The following ATP6V0A1 variants were observed in gnomAD, a reference collection of about 807,000 sequenced individuals.
ATP6V0A1 encodes ATPase H+ transporting V0 subunit a1.
A neutral mutation model predicts 105.4 loss-of-function variants in ATP6V0A1; 43 were observed. The ratio of observed to expected loss-of-function variants is 0.41; its 90% confidence interval spans 0.32 to 0.53. The LOEUF is 0.53. Ranked by LOEUF, ATP6V0A1 falls within the 20% of genes least tolerant of loss-of-function variation. ATP6V0A1 has a pLI of 0.30. For missense variants in ATP6V0A1, 676 were observed against 1,051.1 expected (o/e 0.64, Z 4.93); for synonymous variants, 362 against 372.8 (o/e 0.97, Z 0.33).
intron 4 of ATP6V0A1, among the ~76,000 whole-genome samples, chr17:42,469,588 A>G (rs1048554629): frequency 1.3e-5 from 2 of 151,748 alleles, no homozygotes; most frequent in African/African-American, 4.8e-5. Flanking sequence ...CACCCACCTC[A>G]GACTCCCTAA....
chr17:42,469,955 C>T, intron 4 of ATP6V0A1, 135 bp from the exon 5 acceptor site: 1 of 914,106 alleles, frequency 1.1e-6, no homozygotes, highest in East Asian at 2.8e-5. Flanking sequence ...CTAGTAAAAT[C>T]ACAGTATTTG....
At chr17:42,494,544 G>C (rs1001510101) in intron 12 of ATP6V0A1, 71 bp downstream of exon 12, 1 of 1,501,190 alleles carries the variant, frequency 6.7e-7, no homozygotes, top group South Asian at 1.2e-5. Flanking sequence ...TGAAAATTAT[G>C]ATCTGGAAGT....
chr17:42,497,549 C>T (rs1254201760), intron 14 of ATP6V0A1, among the ~76,000 whole-genome samples: 2 of 151,348 alleles, frequency 1.3e-5, no homozygotes, highest in Non-Finnish European at 2.9e-5. Context: ...TGGCGAGCAC[C>T]TGTAATTCCA....
At chr17:42,508,417 C>T (rs967235015) in intron 18 of ATP6V0A1, among the ~76,000 whole-genome samples, 155 bp from the exon 19 acceptor site, 4 of 152,196 alleles carry the variant, frequency 2.6e-5, no homozygotes, top group Admixed American at 2.6e-4. Context: ...CTGCTGATTT[C>T]GCTTTGTGTA....
intron 11 of ATP6V0A1, among the ~76,000 whole-genome samples, chr17:42,491,291 A>C (rs1199193569): frequency 6.6e-6 from 1 of 151,944 alleles, no homozygotes; most frequent in Non-Finnish European, 1.5e-5. Context: ...TAATCCTAGC[A>C]CTGTTTTTTT....
At chr17:42,508,511 C>T in intron 18 of ATP6V0A1, 61 bp from the exon 19 acceptor site, 1 of 1,605,810 alleles carries the variant, frequency 6.2e-7, no homozygotes, top group Non-Finnish European at 8.5e-7. Flanking sequence ...GCCTTGTGCT[C>T]CTAACTTGTG....
chr17:42,519,225 G>GTA (rs1474043414), intron 21 of ATP6V0A1: 1 of 152,252 alleles, frequency 6.6e-6, no homozygotes, highest in Non-Finnish European at 1.5e-5. Context: ...TGACTGGAGG[G>GTA]GTGCCAAGAA....
intron 14 of ATP6V0A1, among the ~76,000 whole-genome samples, chr17:42,496,785 C>G (rs2091224672): frequency 6.6e-6 from 1 of 151,412 alleles, no homozygotes; most frequent in Non-Finnish European, 1.5e-5. Flanking sequence ...GCAGTGAGCC[C>G]AGATCGTGCC....
At position 42,521,898 on chromosome 17, in the gene ATP6V0A1, C is replaced by A. The variant is rs114699071; in HGVS notation, c.*778C>A. The A allele has an allele frequency of 0.053, 8,141 of 152,686 alleles. 767 individuals are homozygous for A. Among genetic ancestry groups the A allele is most frequent in the African/African-American group, 0.19 (7,770 of 41,486 alleles). 9.5% of individuals were successfully genotyped at this position (152,686 alleles called of 1,614,324 possible). A position where few individuals can be genotyped will look rare whatever the true frequency, so the allele number is the denominator to read the frequency against. On this transcript the variant is annotated 3_prime_UTR_variant, in exon 22 of 22. Coordinates refer to ENST00000343619, the MANE Select transcript of ATP6V0A1 (RefSeq NM_001130021.3). The surrounding 1 kb of genome is among the most constrained non-coding windows in gnomAD (Gnocchi z 4.8). ...CTTCCCAGGCCTTGCATGGGCCCTG[C>A]CCACAAGCACACCCTCAGGCCGAGG...
rs765328312 is a variant in ATP6V0A1 at position 42,468,086 on chromosome 17, C to T, written c.273C>T (p.Pro91=). Residue 91 remains proline, a synonymous_variant, in exon 4 of 22, where the codon CCC becomes CCT. Coordinates refer to ENST00000343619, the MANE Select transcript of ATP6V0A1 (RefSeq NM_001130021.3). The part of the protein sequence containing the change: ...DTGENPEVPF[P]RDMIDLEANF... ...GTGAAAACCCAGAGGTTCCCTTCCCCCGGGACATGATTGACTTAGAGGTAA... is the reference window on the plus strand; with the variant it reads ...GTGAAAACCCAGAGGTTCCCTTCCCTCGGGACATGATTGACTTAGAGGTAA... 9 of 1,596,626 alleles carry T rather than the reference C, an allele frequency of 5.6e-6. No individual in the cohort carries two copies. Among genetic ancestry groups the T allele is most frequent in the Admixed American group, 3.4e-5 (2 of 58,156 alleles).
chr17:42,498,068 T>G (rs1428293756), intron 14 of ATP6V0A1, among the ~76,000 whole-genome samples: 1 of 151,898 alleles, frequency 6.6e-6, no homozygotes, highest in East Asian at 1.9e-4. Context: ...CTGGCCAACA[T>G]GGTGAAACCC....
chr17:42,482,042 G>A (rs1885948746), intron 8 of ATP6V0A1, among the ~76,000 whole-genome samples: 1 of 151,928 alleles, frequency 6.6e-6, no homozygotes, highest in Admixed American at 6.6e-5. Context: ...GGGTTTTGCC[G>A]TGTTGGCCAG....
intron 2 of ATP6V0A1, among the ~76,000 whole-genome samples, chr17:42,463,658 T>A: frequency 1.3e-5 from 2 of 152,244 alleles, no homozygotes; most frequent in Middle Eastern, 6.8e-3. Context: ...AGTTTACAAG[T>A]TTTGATTTTT....
intron 21 of ATP6V0A1, among the ~76,000 whole-genome samples, chr17:42,517,157 G>C (rs1022490094): frequency 6.6e-6 from 1 of 152,136 alleles, no homozygotes; most frequent in Admixed American, 6.5e-5. Context: ...GTGGGCGCCT[G>C]TAATCCCAGC....
intron 11 of ATP6V0A1, among the ~76,000 whole-genome samples, chr17:42,493,490 C>G (rs2090862991): frequency 6.6e-6 from 1 of 152,132 alleles, no homozygotes. Context: ...TTCCACTGTT[C>G]TTTGTTTGAA....
chr17:42,510,591 C>G (rs922668671), intron 19 of ATP6V0A1: 18 of 152,368 alleles, frequency 1.2e-4, no homozygotes, highest in African/African-American at 4.3e-4. Flanking sequence ...AAGTATTCAG[C>G]TTGGCTGGAG....
chr17:42,490,401 T>G, intron 10 of ATP6V0A1, 86 bp from the exon 11 acceptor site: 166 of 1,203,190 alleles, frequency 1.4e-4, no homozygotes, highest in Middle Eastern at 2.1e-4. Context: ...TACCATTTGA[T>G]GAGTTTCAAG....
At chr17:42,461,333 T>C (rs1457750738) in intron 2 of ATP6V0A1, among the ~76,000 whole-genome samples, 12 of 152,172 alleles carry the variant, frequency 7.9e-5, no homozygotes, top group Admixed American at 7.9e-4. Context: ...AAAAAATATA[T>C]TGCAGTTTTT....
chr17:42,502,923 A>G (rs1599028570), intron 17 of ATP6V0A1: 1 of 152,644 alleles, frequency 6.6e-6, no homozygotes, highest in African/African-American at 2.4e-5. Flanking sequence ...GGTGGCAAAC[A>G]GTGCAGCAGA....
Sources: gnomAD v4.1 joint callset for allele counts (sites outside exome capture counted in the v4.1 genomes callset) on GRCh38, gnomAD v4.1.1 for gene constraint, Gnocchi (gnomAD v3.1) non-coding constraint, MANE v1.5 for transcripts, NCBI Gene and HGNC (gene_info 2026-07-23, HGNC 2026-07-21) for gene names.